MGAT4C: variants seen among roughly 807,000 people sequenced by gnomAD.
MGAT4C encodes the protein MGAT4 family member C, also known as alpha-1,3-mannosyl-glycoprotein 4-beta-N-acetylglucosaminyltransferase C.
A neutral mutation model predicts 40.1 loss-of-function variants in MGAT4C; 19 were observed. The ratio of observed to expected loss-of-function variants is 0.47; its 90% CI spans 0.33 to 0.70. The LOEUF is 0.70. Among genes scored for constraint, MGAT4C ranks in the 30% least tolerant of loss-of-function variants. MGAT4C has a pLI of 0.02. For synonymous variants in MGAT4C, 181 were observed against 187.1 expected (o/e 0.97, Z 0.27); for missense variants, 491 against 563.2 (o/e 0.87, Z 1.30).
At chr12:86,265,972 T>C (rs1226257438) in intron 4 of MGAT4C, among the ~76,000 whole-genome samples, 1 of 152,238 alleles carries the variant, frequency 6.6e-6, no homozygotes, top group Non-Finnish European at 1.5e-5. Context: ...ACACTACTGA[T>C]TTTTGTATGC....
intron 2 of MGAT4C, among the ~76,000 whole-genome samples, chr12:86,580,948 G>A (rs530630735): frequency 3.3e-5 from 5 of 151,526 alleles, no homozygotes; most frequent in African/African-American, 1.2e-4. Context: ...TACCTAATAA[G>A]CACACACAAA....
chr12:86,232,090 G>A (rs1951345330), intron 1 of MGAT4C, among the ~76,000 whole-genome samples: 1 of 148,158 alleles, frequency 6.7e-6, no homozygotes, highest in East Asian at 2.1e-4. Flanking sequence ...AGCCGAGGTA[G>A]CGCCACCGTA....
intron 2 of MGAT4C, among the ~76,000 whole-genome samples, chr12:86,640,997 T>A (rs982962737): frequency 2.0e-5 from 3 of 151,986 alleles, no homozygotes; most frequent in African/African-American, 7.2e-5. Flanking sequence ...TTCTTGTACA[T>A]TTGCTGAGGA....
intron 4 of MGAT4C, among the ~76,000 whole-genome samples, chr12:86,292,843 T>G (rs1354422410): frequency 2.0e-5 from 3 of 152,098 alleles, no homozygotes; most frequent in East Asian, 1.9e-4. Context: ...TGACTGTTTT[T>G]TTTTTTTTTA....
intron 1 of MGAT4C, among the ~76,000 whole-genome samples, chr12:86,233,649 T>C (rs184581352): frequency 4.6e-5 from 7 of 152,294 alleles, no homozygotes; most frequent in East Asian, 3.9e-4. Context: ...ATTTCACTTA[T>C]GGTTTTTTTT....
chr12:86,782,465 G>T (rs1489461580), intron 1 of MGAT4C, among the ~76,000 whole-genome samples: 1 of 152,112 alleles, frequency 6.6e-6, no homozygotes, highest in South Asian at 2.1e-4. Context: ...ACAGGAGTGA[G>T]CCACCGCGCC....
chr12:86,226,620 T>C (rs1951088273), intron 1 of MGAT4C, among the ~76,000 whole-genome samples: 1 of 151,972 alleles, frequency 6.6e-6, no homozygotes, highest in South Asian at 2.1e-4. Flanking sequence ...ACCCAAATGA[T>C]GAAATCTACT....
intron 2 of MGAT4C, among the ~76,000 whole-genome samples, chr12:86,591,056 T>C (rs1220748151): frequency 6.6e-6 from 1 of 151,998 alleles, no homozygotes; most frequent in Admixed American, 6.6e-5. Context: ...TTAGTAGCTG[T>C]GCATAATCCT....
chr12:86,378,167 G>A (rs1402751381), intron 3 of MGAT4C, among the ~76,000 whole-genome samples: 1 of 152,072 alleles, frequency 6.6e-6, no homozygotes, highest in Non-Finnish European at 1.5e-5. Context: ...TATGAAAATG[G>A]GTGTACAAAT....
chr12:85,981,614 T>A (rs541596582), intron 4 of MGAT4C, among the ~76,000 whole-genome samples: 1 of 152,320 alleles, frequency 6.6e-6, no homozygotes, highest in South Asian at 2.1e-4. Flanking sequence ...GCTGTCTACA[T>A]AAGAGGCAGG....
chr12:86,643,697 G>A (rs1052575910), intron 2 of MGAT4C, among the ~76,000 whole-genome samples: 3 of 151,824 alleles, frequency 2.0e-5, no homozygotes, highest in Non-Finnish European at 2.9e-5. Context: ...AAAATGAGAT[G>A]TGACTTCTAA....
rs143916488 is a variant in MGAT4C, at chr12:86,837,641, GA to G, written c.-262+1024del. 8.8e-3 allele frequency among the ~76,000 whole-genome samples: 1,339 copies of G among 151,890 alleles called. 19 individuals are homozygous for G. The highest frequency in any genetic ancestry group is 0.031 in the African/African-American group (1,292 of 41,412). ...CATTTTTATAGTCATTTTTAACACA[GA>G]AAAACAGCAACAATATGATAGATTT... On this transcript the variant is annotated intron_variant, in intron 1 of 7. Coordinates refer to the MGAT4C transcript ENST00000548651.
chr12:86,827,048 A>AG (rs1321045849), intron 1 of MGAT4C, among the ~76,000 whole-genome samples: 22 of 151,590 alleles, frequency 1.5e-4, no homozygotes, highest in Admixed American at 1.3e-3. Context: ...ATAGACACAC[A>AG]GAAAAATTGA....
chr12:86,130,775 T>C (rs1434879802), intron 1 of MGAT4C, among the ~76,000 whole-genome samples: 1 of 151,998 alleles, frequency 6.6e-6, no homozygotes, highest in East Asian at 1.9e-4. Context: ...AAATTTTCAG[T>C]AAACCTGGTC....
At chr12:86,099,760 A>T (rs1874620884) in intron 1 of MGAT4C, among the ~76,000 whole-genome samples, 2 of 151,458 alleles carry the variant, frequency 1.3e-5, no homozygotes, top group Admixed American at 1.3e-4. Context: ...TTGCCACAAA[A>T]TCTGAAAATT....
intron 2 of MGAT4C, among the ~76,000 whole-genome samples, chr12:86,457,631 G>C (rs1344222217): frequency 6.6e-6 from 1 of 151,982 alleles, no homozygotes. Flanking sequence ...TGTCATCTTA[G>C]TTTTAAAGGG....
intron 2 of MGAT4C, among the ~76,000 whole-genome samples, chr12:86,707,389 G>A (rs1950477039): frequency 6.6e-6 from 1 of 152,162 alleles, no homozygotes; most frequent in African/African-American, 2.4e-5. Flanking sequence ...AGAGGAACTT[G>A]TTGGGAACTG....
intron 4 of MGAT4C, among the ~76,000 whole-genome samples, chr12:86,281,426 A>T (rs1953215862): frequency 6.6e-6 from 1 of 152,072 alleles, no homozygotes; most frequent in Non-Finnish European, 1.5e-5. Context: ...ATGGATGTAG[A>T]TAGAAATAGA....
At chr12:86,195,471 G>A (rs1349160505) in intron 1 of MGAT4C, among the ~76,000 whole-genome samples, 1 of 152,066 alleles carries the variant, frequency 6.6e-6, no homozygotes, top group Admixed American at 6.6e-5. Flanking sequence ...CTTGATTAAA[G>A]TCTTTGGATA....
Sources: allele counts gnomAD v4.1 joint callset (sites outside exome capture counted in the v4.1 genomes callset), GRCh38; gene constraint gnomAD v4.1.1; transcripts MANE v1.5; gene names NCBI Gene and HGNC (gene_info 2026-07-23, HGNC 2026-07-21).